Variants in NTRK3 observed in about 807,000 individuals in gnomAD.
NTRK3 encodes the protein neurotrophic receptor tyrosine kinase 3.
In NTRK3, 24 loss-of-function variants were observed where a neutral mutation model predicts 91.7. The ratio of observed to expected loss-of-function variants is 0.26; its 90% CI spans 0.19 to 0.37. NTRK3 has a LOEUF of 0.37. Among genes scored for constraint, NTRK3 ranks in the 10% least tolerant of loss-of-function variants. NTRK3 has a pLI of 1.00. For missense variants in NTRK3, 880 were observed against 1,068.9 expected (o/e 0.82, Z 2.46); for synonymous variants, 483 against 404.0 (o/e 1.20, Z -2.34).
At chr15:88,113,215 T>C (rs1238983184) in intron 13 of NTRK3, among the ~76,000 whole-genome samples, 1 of 151,970 alleles carries the variant, frequency 6.6e-6, no homozygotes, top group Non-Finnish European at 1.5e-5. Flanking sequence ...GCCAGGCTTA[T>C]AATAATCACT....
At chr15:88,051,233 C>T (rs1195101194) in intron 13 of NTRK3, among the ~76,000 whole-genome samples, 1 of 152,188 alleles carries the variant, frequency 6.6e-6, no homozygotes, top group Non-Finnish European at 1.5e-5. Context: ...CAACCCTACA[C>T]CTCCCAGGAA....
At chr15:87,879,326 A>C (rs1239490905) in intron 18 of NTRK3, among the ~76,000 whole-genome samples, 9 of 152,290 alleles carry the variant, frequency 5.9e-5, no homozygotes. Flanking sequence ...TTTCATAGGG[A>C]TGTTTCATAG....
chr15:87,941,654 C>T (rs76338233), intron 14 of NTRK3, among the ~76,000 whole-genome samples: 75 of 152,330 alleles, frequency 4.9e-4, no homozygotes, highest in Non-Finnish European at 7.8e-4. Context: ...AATGAGATCA[C>T]AAAAGGAAAG....
chr15:88,073,920 TTGTTTC>T (rs2047315007), intron 13 of NTRK3, among the ~76,000 whole-genome samples: 1 of 152,226 alleles, frequency 6.6e-6, no homozygotes, highest in African/African-American at 2.4e-5. Context: ...GTTTGTTTCT[TTGTTTC>T]TGGTATTATG....
intron 6 of NTRK3, 68 bp downstream of exon 6, chr15:88,147,267 T>G: frequency 6.9e-7 from 1 of 1,459,534 alleles, no homozygotes; most frequent in Non-Finnish European, 9.6e-7. Context: ...TTCCACTGCT[T>G]GACACTCCTC....
intron 17 of NTRK3, among the ~76,000 whole-genome samples, chr15:87,892,715 T>C (rs765863040): frequency 6.6e-6 from 1 of 152,158 alleles, no homozygotes; most frequent in Non-Finnish European, 1.5e-5. Context: ...TCATTGGCCA[T>C]TAAAAGTTAA....
At chr15:87,868,057 C>T (rs1236322596) in exon 19 of NTRK3, 3 of 231,444 alleles carry the variant, frequency 1.3e-5, no homozygotes, top group African/African-American at 6.6e-5. Flanking sequence ...AGAAATCACA[C>T]ATGTGATGCA....
At chr15:88,142,819 C>A (rs942819161) in intron 6 of NTRK3, among the ~76,000 whole-genome samples, 3 of 152,152 alleles carry the variant, frequency 2.0e-5, no homozygotes, top group Non-Finnish European at 4.4e-5. Context: ...TGAATGTGAC[C>A]TAATTTGGAA....
At position 88,137,023 on chromosome 15, in the gene NTRK3, C is replaced by T. The variant is rs554253977; in HGVS notation, c.622+381G>A. ...GACATTCTCAAAGTCTGTGTTTGGG[C>T]CCAGAAATCTGCTTTTTTAGAAACT... is the stretch of plus-strand genomic sequence containing the variant. On this transcript the variant is annotated intron_variant, in intron 7 of 18. Transcript: ENST00000394480. Among the ~76,000 whole-genome samples the T allele has an allele frequency of 1.9e-4, 29 of 152,274 alleles. No homozygotes were observed. In the East Asian group the frequency reaches 4.4e-3, roughly 23 times the overall value.
At position 87,953,426 on chromosome 15, in the gene NTRK3, T is replaced by C. The variant is rs571267016; in HGVS notation, c.1586-12673A>G. Among the ~76,000 whole-genome samples the C allele has an allele frequency of 1.2e-4, 19 of 152,334 alleles. No individual in the cohort carries two copies. In the South Asian group the frequency reaches 2.1e-3, roughly 17 times the overall value. On this transcript the variant is annotated intron_variant, in intron 14 of 18. Transcript: ENST00000394480. Reference sequence around the variant, plus strand: ...TGGTACTGACAGAAACTGAGTCACATAGAGAAGTGTGAGGTTTCAATGATG... The same window carrying C: ...TGGTACTGACAGAAACTGAGTCACACAGAGAAGTGTGAGGTTTCAATGATG...
chr15:87,992,306 C>T (rs1383686661), intron 14 of NTRK3, among the ~76,000 whole-genome samples: 2 of 152,180 alleles, frequency 1.3e-5, no homozygotes, highest in Admixed American at 1.3e-4. Flanking sequence ...ACACTGTATG[C>T]CTTTCAGCTT....
intron 3 of NTRK3, among the ~76,000 whole-genome samples, chr15:88,229,847 A>G (rs1002486971): frequency 1.3e-5 from 2 of 152,252 alleles, no homozygotes; most frequent in Non-Finnish European, 2.9e-5. Flanking sequence ...CCCAGGGAAC[A>G]TGGAGCAGAA....
chr15:87,918,701 A>G (rs981450516), intron 17 of NTRK3, among the ~76,000 whole-genome samples: 1 of 152,176 alleles, frequency 6.6e-6, no homozygotes, highest in Non-Finnish European at 1.5e-5. Context: ...CTTGTGTTCT[A>G]TTCATCTTAG....
intron 13 of NTRK3, among the ~76,000 whole-genome samples, chr15:88,117,800 T>C (rs564339486): frequency 1.3e-5 from 2 of 152,334 alleles, no homozygotes; most frequent in East Asian, 1.9e-4. Flanking sequence ...TCTCTAAGTA[T>C]GCTGGGATAG....
At chr15:87,903,284 T>C (rs943416471) in intron 17 of NTRK3, among the ~76,000 whole-genome samples, 5 of 152,234 alleles carry the variant, frequency 3.3e-5, no homozygotes, top group African/African-American at 7.2e-5. Context: ...CCCAAAAGAA[T>C]TGCGGAAGCA....
intron 14 of NTRK3, among the ~76,000 whole-genome samples, chr15:87,962,956 G>T (rs1249537637): frequency 6.6e-6 from 1 of 152,206 alleles, no homozygotes; most frequent in East Asian, 1.9e-4. Flanking sequence ...GGCCAGAAGA[G>T]CCCTTTGGGG....
intron 13 of NTRK3, among the ~76,000 whole-genome samples, chr15:88,036,776 A>T (rs1177643719): frequency 1.3e-5 from 2 of 152,168 alleles, no homozygotes; most frequent in Non-Finnish European, 2.9e-5. Context: ...AGACACAAAG[A>T]CCACACGCAA....
chr15:88,041,986 G>A (rs2079672291), intron 13 of NTRK3, among the ~76,000 whole-genome samples: 1 of 152,110 alleles, frequency 6.6e-6, no homozygotes, highest in South Asian at 2.1e-4. Flanking sequence ...TTGGGTAGCA[G>A]AAGCAAATAA....
intron 5 of NTRK3, among the ~76,000 whole-genome samples, chr15:88,179,328 G>T (rs752990761): frequency 1.2e-4 from 18 of 152,322 alleles, no homozygotes; most frequent in South Asian, 2.1e-4. Flanking sequence ...ATAGTGGAAA[G>T]ATTCCTGGAA....
Sources: gnomAD v4.1 joint callset for allele counts (sites outside exome capture counted in the v4.1 genomes callset) on GRCh38, gnomAD v4.1.1 for gene constraint, MANE v1.5 for transcripts, NCBI Gene and HGNC (gene_info 2026-07-23, HGNC 2026-07-21) for gene names.